The following UNC80 variants were observed in gnomAD, a reference collection of about 807,000 sequenced individuals.
UNC80 encodes the protein protein unc-80 homolog.
UNC80 carries 164 observed loss-of-function variants against 384.6 expected under a neutral mutation model. The ratio of observed to expected loss-of-function variants is 0.43; its 90% CI spans 0.38 to 0.49. The LOEUF is 0.49. UNC80 is among the 20% of genes least tolerant of loss of function. UNC80 has a pLI of 0.00. For synonymous variants in UNC80, 1,486 were observed against 1,527.8 expected, an observed-to-expected ratio of 0.97 and a Z score of 0.64; for missense variants, 3,330 against 4,143.0, an observed-to-expected ratio of 0.80 and a Z score of 5.39.
At chr2:209,840,999 C>T (rs1364640951) in intron 20 of UNC80, among the ~76,000 whole-genome samples, 1 of 152,128 alleles carries the variant, frequency 6.6e-6, no homozygotes, top group African/African-American at 2.4e-5. Context: ...TACAGTGATC[C>T]CTTTTACATA....
chr2:209,994,096 G>T lies in UNC80; in HGVS notation c.9540G>T (p.Glu3180Asp), dbSNP rs1468522987. Residue 3180 changes from glutamate to aspartate, a missense_variant, in exon 64 of 65, where the codon GAG becomes GAT. Transcript: ENST00000673920. ...AGAAACGATCTGTGACCTTCATTGA[G>T]GCTCAGCCAGAGCCAGCAGCTGCCC... The part of the protein sequence containing the change: ...ADQKRSVTFI[E>D]AQPEPAAAPT... The T allele has an allele frequency of 2.3e-5, 35 of 1,551,310 alleles. No homozygotes were observed. Among genetic ancestry groups the T allele is most frequent in the Non-Finnish European group, 2.8e-5 (32 of 1,146,858 alleles).
rs1400213174 is a variant in UNC80 at position 209,829,299 on chromosome 2, A to G, written c.2546A>G (p.Tyr849Cys). 4 of 1,551,326 alleles carry G rather than the reference A, an allele frequency of 2.6e-6. No individual in the cohort carries two copies. Among genetic ancestry groups the G allele is most frequent in the African/African-American group, 2.7e-5 (2 of 73,028 alleles). Residue 849 changes from tyrosine (Y) to cysteine (C), a missense_variant, in exon 15 of 65, where the codon TAT (tyrosine) becomes TGT (cysteine). Transcript: ENST00000673920. ...CAGTTCCGACAAACCATGAGGGACT[A>G]TGTGAACAAGGACTCTCTCAATAAT... The part of the protein sequence containing the change: ...KMQFRQTMRD[Y>C]VNKDSLNNVV...
chr2:209,794,778 T>C, intron 7 of UNC80: 2 of 454,984 alleles, frequency 4.4e-6, no homozygotes, highest in Non-Finnish European at 4.4e-6. Flanking sequence ...ATTTTTCTCT[T>C]GCCACCACCA....
At chr2:209,934,138 A>C (rs1026404632) in intron 39 of UNC80, 133 bp downstream of exon 39, 6 of 880,716 alleles carry the variant, frequency 6.8e-6, no homozygotes, top group Non-Finnish European at 6.6e-6. Context: ...TGCTTCAAAG[A>C]ATTTTTGTTT....
At chr2:209,903,596 ACTAT>A (rs1229218325) in intron 28 of UNC80, among the ~76,000 whole-genome samples, 3 of 1,592 alleles carry the variant, frequency 1.9e-3, no homozygotes, top group African/African-American at 4.5e-3. Flanking sequence ...ATATATATAT[ACTAT>A]ATATATAGTA....
intron 25 of UNC80, among the ~76,000 whole-genome samples, chr2:209,882,458 G>A (rs549901002): frequency 2.6e-5 from 4 of 152,306 alleles, no homozygotes; most frequent in Non-Finnish European, 5.9e-5. Flanking sequence ...ATATTTTCAA[G>A]TTAGAAATAT....
intron 22 of UNC80, among the ~76,000 whole-genome samples, chr2:209,867,807 G>T (rs2083962617): frequency 6.6e-6 from 1 of 151,992 alleles, no homozygotes; most frequent in African/African-American, 2.4e-5. Context: ...CTACTCTCCA[G>T]TTGTCTTCGA....
chr2:209,970,813 T>A lies in UNC80; in HGVS notation c.8131-19T>A, dbSNP rs1212832891. The A allele has an allele frequency of 6.4e-7, 1 of 1,550,530 alleles. No homozygotes were observed. Among genetic ancestry groups the A allele is most frequent in the African/African-American group, 1.4e-5 (1 of 73,160 alleles). On this transcript the variant is annotated intron_variant, in intron 53 of 64. Coordinates refer to ENST00000673920, the MANE Select transcript of UNC80 (RefSeq NM_001371986.1). ...ATTGCAATAGTCAAGGCTGGTCATG[T>A]GCTCTGTTTGTATTTCAGGTGATGG...
intron 4 of UNC80, among the ~76,000 whole-genome samples, chr2:209,778,933 T>G (rs182081420): frequency 6.4e-4 from 98 of 152,324 alleles, no homozygotes; most frequent in Non-Finnish European, 1.2e-3. Flanking sequence ...ATTTTTAGTT[T>G]CCTAAAAAAT....
intron 39 of UNC80, among the ~76,000 whole-genome samples, chr2:209,935,131 C>T (rs927307699): frequency 2.0e-5 from 3 of 152,128 alleles, no homozygotes; most frequent in Non-Finnish European, 2.9e-5. Context: ...GCCTGGTCAC[C>T]TCATCTAGAA....
At chr2:209,786,332 T>C (rs1372854750) in intron 5 of UNC80, 143 bp downstream of exon 5, 3 of 1,078,932 alleles carry the variant, frequency 2.8e-6, no homozygotes, top group Admixed American at 6.2e-5. Flanking sequence ...GATATAGGGC[T>C]TACTCACATG....
rs777959998 is a variant in UNC80, at chr2:209,978,506, C to G, written c.8939-23C>G. 23 of 1,503,588 alleles carry G rather than the reference C, an allele frequency of 1.5e-5. No homozygotes were observed. In the South Asian group the frequency reaches 2.6e-4, roughly 17 times the overall value. 93.1% of individuals were successfully genotyped at this position (1,503,588 alleles called of 1,614,324 possible). On this transcript the variant is annotated intron_variant, in intron 58 of 64. Coordinates refer to ENST00000673920, the MANE Select transcript of UNC80 (RefSeq NM_001371986.1). ...ATTTAAGATTCTCACCATGCATTTC[C>G]TTTGGTCTCTCGCATCCTCTAGCCT...
intron 22 of UNC80, chr2:209,869,281 G>GA (rs2084096214): frequency 6.6e-6 from 1 of 152,116 alleles, no homozygotes; most frequent in Admixed American, 6.5e-5. Context: ...TTATGCTCAG[G>GA]AAGAATCCTT....
In UNC80 at chr2:209,935,853, T is replaced by C. The variant is rs190606789; in HGVS notation, c.6273+45T>C. On this transcript the variant is annotated intron_variant, in intron 40 of 64. Transcript: ENST00000673920. The stretch of plus-strand genomic sequence containing the variant: ...GAAACAATTTTTAAGGACAATGCTA[T>C]GGCCACCTCACTGAAGATCCATTTT... The C allele has an allele frequency of 1.0e-3, 1,199 of 1,160,402 alleles. 7 individuals are homozygous for C. The African/African-American group carries it at 0.016, about 15-fold the overall frequency. 71.9% of individuals were successfully genotyped at this position (1,160,402 alleles called of 1,614,324 possible). A position where few individuals can be genotyped will look rare whatever the true frequency, so the allele number is the denominator to read the frequency against.
rs1574639981 is a variant in UNC80, at chr2:209,831,566, A to G, written c.2750A>G (p.His917Arg). Residue 917 changes from histidine (H) to arginine (R), a missense_variant, in exon 16 of 65, where the codon CAT becomes CGT. Coordinates refer to ENST00000673920, the MANE Select transcript of UNC80 (RefSeq NM_001371986.1). Reference protein sequence around the residue: ...SLITRCASTTHELHSPENLGL... With the variant: ...SLITRCASTTRELHSPENLGL... ...ATCACACGCTGCGCTTCAACCACAC[A>G]TGAATTGCACAGCCCTGAGAATCTG... is the stretch of plus-strand genomic sequence containing the variant. 3 of 1,549,214 alleles carry G rather than the reference A, an allele frequency of 1.9e-6. No individual in the cohort carries two copies. The highest frequency in any genetic ancestry group is 1.2e-5 in the South Asian group (1 of 83,690).
chr2:209,774,070 C>A (rs1327693112), intron 2 of UNC80, among the ~76,000 whole-genome samples: 5 of 152,068 alleles, frequency 3.3e-5, no homozygotes, highest in African/African-American at 1.2e-4. Context: ...GGAAATCTAC[C>A]AATTTGGATA....
At chr2:209,944,996 G>C in intron 45 of UNC80, 55 bp from the exon 46 acceptor site, 1 of 1,534,710 alleles carries the variant, frequency 6.5e-7, no homozygotes, top group Non-Finnish European at 8.8e-7. Flanking sequence ...TTCCTGTCAA[G>C]TTATAGTTTT....
intron 59 of UNC80, among the ~76,000 whole-genome samples, chr2:209,981,249 C>CT (rs1210288669): frequency 7.9e-5 from 12 of 152,198 alleles, no homozygotes; most frequent in Admixed American, 7.2e-4. Flanking sequence ...AGATACTGTG[C>CT]TAAAGTTAAT....
rs114732392 is a variant in UNC80 at position 209,803,205 on chromosome 2, A to C, written c.938+9346A>C. 3.2e-3 allele frequency among the ~76,000 whole-genome samples: 486 copies of C among 152,288 alleles called. 2 individuals carry two copies. The highest frequency in any genetic ancestry group is 0.011 in the African/African-American group (473 of 41,556). ...TACATCACAGTTCCTGCCTGCACTC[A>C]AGAGAAGATGATAAAGGGTGTGAAC... On this transcript the variant is annotated intron_variant, in intron 7 of 64. Coordinates refer to ENST00000673920, the MANE Select transcript of UNC80 (RefSeq NM_001371986.1).
Sources: allele counts gnomAD v4.1 joint callset (sites outside exome capture counted in the v4.1 genomes callset), GRCh38; gene constraint gnomAD v4.1.1; transcripts MANE v1.5; gene names NCBI Gene and HGNC (gene_info 2026-07-23, HGNC 2026-07-21).